Variants in USO1 observed in about 807,000 individuals in gnomAD.
USO1 encodes the protein USO1 vesicle transport factor.
USO1 carries 57 observed loss-of-function variants against 124.5 expected under a neutral mutation model. The observed-to-expected ratio is 0.46, with a 90% CI of 0.37 to 0.57. USO1 has a LOEUF of 0.57. Ranked by LOEUF, USO1 falls within the 20% of genes least tolerant of loss-of-function variation. The pLI is 0.00. For synonymous variants in USO1, 369 were observed against 362.8 expected, an observed-to-expected ratio of 1.02 and a Z score of -0.19; for missense variants, 900 against 1,040.6, an observed-to-expected ratio of 0.86 and a Z score of 1.86.
chr4:75,799,879 AT>A, intron 14 of USO1, 147 bp downstream of exon 14: 1 of 911,118 alleles, frequency 1.1e-6, no homozygotes, highest in Non-Finnish European at 1.6e-6. Context: ...TAAAGTTGTT[AT>A]GATGCTTGTT....
intron 8 of USO1, among the ~76,000 whole-genome samples, chr4:75,781,991 C>G (rs1722234062): frequency 6.6e-6 from 1 of 151,840 alleles, no homozygotes; most frequent in South Asian, 2.1e-4. Context: ...ATGAAACTGC[C>G]CTGGAGAGTA....
chr4:75,808,857 G>C, intron 20 of USO1, 96 bp from the exon 21 acceptor site: 1 of 1,352,798 alleles, frequency 7.4e-7, no homozygotes, highest in Non-Finnish European at 1.0e-6. Context: ...AAAAGTAGGA[G>C]GTTGTAAATC....
At chr4:75,791,788 AATTAT>A (rs1386302699) in intron 12 of USO1, among the ~76,000 whole-genome samples, 1 of 117,080 alleles carries the variant, frequency 8.5e-6, no homozygotes, top group Non-Finnish European at 1.9e-5. Context: ...AAGTCTGTTT[AATTAT>A]ATTTACCAAA....
At chr4:75,757,695 TA>T in intron 4 of USO1, 122 bp downstream of exon 4, 1 of 937,018 alleles carries the variant, frequency 1.1e-6, no homozygotes, top group Non-Finnish European at 1.4e-6. Context: ...CTTTTTTCAT[TA>T]AAAAATTTAA....
intron 17 of USO1, among the ~76,000 whole-genome samples, chr4:75,802,872 C>T (rs1207380391): frequency 2.7e-5 from 4 of 146,588 alleles, no homozygotes; most frequent in Admixed American, 2.1e-4. Context: ...TACCTGAGGT[C>T]GGGAGTTCGA....
intron 20 of USO1, among the ~76,000 whole-genome samples, chr4:75,808,658 C>G (rs1384997179): frequency 6.6e-6 from 1 of 151,638 alleles, no homozygotes; most frequent in Non-Finnish European, 1.5e-5. Context: ...TCTTACTGTT[C>G]TTGTTTTTGT....
chr4:75,795,480 T>G, intron 13 of USO1: 1 of 653,478 alleles, frequency 1.5e-6, no homozygotes, highest in Non-Finnish European at 2.7e-6. Flanking sequence ...CTCACACTTT[T>G]GCGTGTCAGC....
At chr4:75,754,086 CT>C (rs34901759) in intron 3 of USO1, among the ~76,000 whole-genome samples, 1,647 of 133,954 alleles carry the variant, frequency 0.012, 59 homozygotes, top group East Asian at 0.075. Context: ...CGCGCCCAGC[CT>C]TTTTTTTTTT....
At chr4:75,782,177 A>T (rs1722238816) in intron 8 of USO1, among the ~76,000 whole-genome samples, 1 of 152,198 alleles carries the variant, frequency 6.6e-6, no homozygotes, top group Admixed American at 6.5e-5. Context: ...ATCAAATAAG[A>T]TATGGTTGAT....
chr4:75,748,961 T>C (rs1721216194), intron 1 of USO1, among the ~76,000 whole-genome samples: 1 of 151,686 alleles, frequency 6.6e-6, no homozygotes, highest in South Asian at 2.1e-4. Flanking sequence ...AATATATATA[T>C]ACATATATGT....
rs1402033021 is a variant in USO1, at chr4:75,805,226, G to A, written c.2212G>A (p.Glu738Lys). 6.2e-7 allele frequency: 1 copy of A among 1,613,164 alleles called. No individual in the cohort carries two copies. The highest frequency in any genetic ancestry group is 1.3e-5 in the African/African-American group (1 of 75,022). ...AGAAGAAATTGGTAGATTGCGAGAA[G>A]AGATAGAAGAATTAAAACGTAATCA... ...QPEEIGRLRE[E>K]IEELKRNQEL... The change falls in exon 19 of 24, where the codon GAG becomes AAG. Residue 738 changes from glutamate to lysine, a missense_variant. Glu to Lys is a moderately conservative substitution (Grantham distance 56). Transcript: ENST00000514213.
intron 1 of USO1, among the ~76,000 whole-genome samples, chr4:75,739,162 A>G (rs966105609): frequency 1.3e-5 from 2 of 152,128 alleles, no homozygotes; most frequent in African/African-American, 2.4e-5. Flanking sequence ...AAGTTTTTTT[A>G]AAGTGTTGTA....
intron 10 of USO1, among the ~76,000 whole-genome samples, chr4:75,788,474 A>G (rs1360778417): frequency 6.6e-6 from 1 of 151,646 alleles, no homozygotes; most frequent in African/African-American, 2.4e-5. Flanking sequence ...GGCCTGGATC[A>G]CATATCTTTT....
intron 3 of USO1, among the ~76,000 whole-genome samples, chr4:75,756,473 T>C (rs1276675123): frequency 6.6e-6 from 1 of 151,900 alleles, no homozygotes. Context: ...AATGCATCTC[T>C]TATGTAAAGT....
rs1720340400 is a variant in USO1, at chr4:75,724,758, CG to C, written c.-57del. ...ATTGGGGCCCAGGCCCTGCGGAGGG[CG>C]GGGGAAGTTGTCTTCTTTTTTTTCC... On this transcript the variant is annotated 5_prime_UTR_variant, in exon 1 of 24. Transcript: ENST00000514213. The C allele has an allele frequency of 1.3e-6, 2 of 1,567,994 alleles. No individual in the cohort carries two copies. Among genetic ancestry groups the C allele is most frequent in the Non-Finnish European group, 1.7e-6 (2 of 1,143,304 alleles).
At chr4:75,811,201 G>A (rs1304984090) in intron 22 of USO1, among the ~76,000 whole-genome samples, 3 of 150,710 alleles carry the variant, frequency 2.0e-5, no homozygotes, top group Non-Finnish European at 4.4e-5. Context: ...TTCCAGGCTG[G>A]ATGGAGTGCA....
At chr4:75,757,370 C>T (rs1296447534) in intron 3 of USO1, 127 bp from the exon 4 acceptor site, 2 of 805,520 alleles carry the variant, frequency 2.5e-6, no homozygotes, top group East Asian at 8.4e-5. Context: ...ACAGTTTGCA[C>T]TCTGATATTT....
chr4:75,808,841 G>A, intron 20 of USO1, 112 bp from the exon 21 acceptor site: 1 of 1,250,004 alleles, frequency 8.0e-7, no homozygotes, highest in Non-Finnish European at 1.1e-6. Context: ...TTTAGAGTTA[G>A]ATTTTAAAAG....
Position 75,804,213 on chromosome 4 carries a change from A to G in USO1, c.2066A>G (p.Gln689Arg). ...GAACAGCTCCAGACGGCAGTCACAC[A>G]GCAAGTATCACAGATCCAGCAGCAC... ...QNEQLQTAVT[Q>R]QVSQIQQHKD... Residue 689 changes from glutamine (Q) to arginine (R), a missense_variant, in exon 18 of 24, where the codon CAG becomes CGG. Physicochemically the swap from Gln to Arg is conservative, Grantham distance 43. This residue lies in a region of USO1 where 362 missense variants were observed against 359.0 expected (regional missense o/e 1.01). Transcript: ENST00000514213. 6.2e-7 allele frequency: 1 copy of G among 1,613,762 alleles called. No individual in the cohort carries two copies. Among genetic ancestry groups the G allele is most frequent in the Non-Finnish European group, 8.5e-7 (1 of 1,179,792 alleles).
Sources: gnomAD v4.1 joint callset for allele counts (sites outside exome capture counted in the v4.1 genomes callset) on GRCh38, gnomAD v4.1.1 for gene constraint, gnomAD v4.1.1 regional missense constraint, MANE v1.5 for transcripts, NCBI Gene and HGNC (gene_info 2026-07-23, HGNC 2026-07-21) for gene names.